The following LRRTM4 variants were observed in gnomAD, a reference collection of about 807,000 sequenced individuals.
LRRTM4 encodes leucine-rich repeat transmembrane neuronal protein 4.
Under a neutral mutation model 47.6 loss-of-function variants are expected in LRRTM4, and 25 were observed. The ratio of observed to expected loss-of-function variants is 0.53; its 90% CI spans 0.38 to 0.73. The LOEUF (loss-of-function observed/expected upper bound fraction) is 0.73. Ranked by LOEUF, LRRTM4 falls within the 30% of genes least tolerant of loss-of-function variation. The pLI, the probability that LRRTM4 is intolerant of heterozygous loss-of-function variation, is 0.00. For missense variants in LRRTM4, 638 were observed against 713.4 expected, an observed-to-expected ratio of 0.89 and a Z score of 1.20; for synonymous variants, 311 against 269.5, an observed-to-expected ratio of 1.15 and a Z score of -1.51.
intron 3 of LRRTM4, among the ~76,000 whole-genome samples, chr2:77,056,898 G>A (rs1307795170): frequency 1.3e-5 from 2 of 152,154 alleles, no homozygotes; most frequent in Non-Finnish European, 2.9e-5. Context: ...TATAGCCCAA[G>A]ATTTTTTCAT....
At chr2:77,073,674 G>C (rs564893318) in intron 3 of LRRTM4, among the ~76,000 whole-genome samples, 1 of 152,146 alleles carries the variant, frequency 6.6e-6, no homozygotes, top group South Asian at 2.1e-4. Context: ...TGGGTATAAT[G>C]AGTGAATGTG....
intron 3 of LRRTM4, among the ~76,000 whole-genome samples, chr2:77,161,652 C>T (rs923723884): frequency 2.6e-5 from 4 of 152,056 alleles, no homozygotes; most frequent in Admixed American, 6.6e-5. Context: ...ATTGGAAAAA[C>T]ATCCACATAT....
intron 3 of LRRTM4, among the ~76,000 whole-genome samples, chr2:77,155,527 C>G (rs1021975509): frequency 2.0e-5 from 3 of 151,542 alleles, no homozygotes; most frequent in African/African-American, 7.3e-5. Flanking sequence ...ATTGCAAATT[C>G]TGTTATAAAC....
chr2:77,412,211 G>A (rs1351230404), intron 3 of LRRTM4, among the ~76,000 whole-genome samples: 2 of 152,180 alleles, frequency 1.3e-5, no homozygotes, highest in Admixed American at 1.3e-4. Flanking sequence ...AAGGACACTA[G>A]ACATAGGTAA....
At chr2:77,516,869 T>G (rs1679225399) in intron 3 of LRRTM4, 2 of 985,006 alleles carry the variant, frequency 2.0e-6, no homozygotes, top group Non-Finnish European at 1.2e-6. Context: ...TCTGAAAACA[T>G]TTTCATTAGC....
chr2:76,992,420 C>T (rs1030281323), intron 3 of LRRTM4, among the ~76,000 whole-genome samples: 3 of 151,608 alleles, frequency 2.0e-5, no homozygotes, highest in African/African-American at 7.3e-5. Flanking sequence ...AATTGATAAA[C>T]CATTTTATTA....
intron 3 of LRRTM4, among the ~76,000 whole-genome samples, chr2:76,909,145 G>A (rs1485333300): frequency 6.6e-6 from 1 of 152,118 alleles, no homozygotes; most frequent in South Asian, 2.1e-4. Context: ...CCAAAACAGA[G>A]ATATAGATCA....
At chr2:77,311,107 T>A (rs1677444228) in intron 3 of LRRTM4, among the ~76,000 whole-genome samples, 1 of 152,066 alleles carries the variant, frequency 6.6e-6, no homozygotes, top group Admixed American at 6.6e-5. Flanking sequence ...AAAGTAGGAA[T>A]GTGGTAATGT....
intron 3 of LRRTM4, among the ~76,000 whole-genome samples, chr2:76,847,734 TTAAC>T (rs757077178): frequency 5.9e-5 from 9 of 152,134 alleles, no homozygotes; most frequent in Non-Finnish European, 1.3e-4. Flanking sequence ...TTTACCTTTA[TTAAC>T]TACTTTATAA....
At chr2:77,029,384 G>A (rs775131209) in intron 3 of LRRTM4, among the ~76,000 whole-genome samples, 7 of 152,174 alleles carry the variant, frequency 4.6e-5, no homozygotes, top group South Asian at 4.2e-4. Flanking sequence ...GTCTGTGGCT[G>A]AAGGCCCAAG....
rs866365680 is a variant in LRRTM4, at chr2:76,777,300, G to T, written c.1552-28384C>A. On this transcript the variant is annotated intron_variant, in intron 3 of 3. Transcript: ENST00000409884. ...GTTTTTTCCAATTCTGTGAAGAAAG[G>T]CATTGGTAGCTTGATGGGGATGGCA... Among the ~76,000 whole-genome samples the T allele has an allele frequency of 7.4e-3, 1,065 of 143,186 alleles. 16 individuals carry two copies. The highest frequency in any genetic ancestry group is 0.013 in the Non-Finnish European group (844 of 64,874). 93.9% of individuals were successfully genotyped at this position (143,186 alleles called of 152,430 possible).
chr2:77,125,482 T>G (rs1671630991), intron 3 of LRRTM4, among the ~76,000 whole-genome samples: 1 of 152,104 alleles, frequency 6.6e-6, no homozygotes, highest in African/African-American at 2.4e-5. Flanking sequence ...CCTTTTTCCA[T>G]CCTAAACGCT....
At chr2:77,035,291 C>T (rs975384023) in intron 3 of LRRTM4, among the ~76,000 whole-genome samples, 2 of 148,736 alleles carry the variant, frequency 1.3e-5, no homozygotes, top group Non-Finnish European at 3.0e-5. Context: ...AAACAAAAAA[C>T]CAGAAGAATC....
chr2:77,062,841 G>T (rs865900035), intron 3 of LRRTM4, among the ~76,000 whole-genome samples: 5 of 152,270 alleles, frequency 3.3e-5, no homozygotes, highest in Middle Eastern at 3.4e-3. Flanking sequence ...ACAGATGCAG[G>T]ATAGTAGAAG....
At chr2:77,054,446 A>G (rs1378262380) in intron 3 of LRRTM4, among the ~76,000 whole-genome samples, 2 of 152,358 alleles carry the variant, frequency 1.3e-5, no homozygotes, top group Non-Finnish European at 2.9e-5. Context: ...ACAATAAAAA[A>G]AAGTATGCAC....
At chr2:77,032,260 C>G (rs538413156) in intron 3 of LRRTM4, among the ~76,000 whole-genome samples, 6 of 152,182 alleles carry the variant, frequency 3.9e-5, no homozygotes, top group Admixed American at 3.9e-4. Context: ...GTAGGTAACT[C>G]TTTTACTTCA....
Position 77,519,838 on chromosome 2 carries a change from C to T in LRRTM4, c.31G>A (p.Gly11Ser). Residue 11 changes from glycine to serine, a missense_variant, in exon 3 of 4, where the codon GGC becomes AGC. Coordinates refer to ENST00000409884, the MANE Select transcript of LRRTM4 (RefSeq NM_001134745.3). The surrounding 1 kb of genome is among the most constrained non-coding windows in gnomAD (Gnocchi z 4.6). ...AGTAGCACCAGCACCACACTCATGC[C>T]TTTCAGCTGCGTAATTAAATGGAAA... MGFHLITQLKGMSVVLVLLPT... is the reference protein window; with the variant it reads MGFHLITQLKSMSVVLVLLPT... 6.2e-7 allele frequency: 1 copy of T among 1,605,710 alleles called. No homozygotes were observed. The highest frequency in any genetic ancestry group is 1.1e-5 in the South Asian group (1 of 90,306).
intron 3 of LRRTM4, among the ~76,000 whole-genome samples, chr2:77,241,825 T>A (rs1675277375): frequency 6.6e-6 from 1 of 152,014 alleles, no homozygotes; most frequent in South Asian, 2.1e-4. Context: ...TTTGGTCCAT[T>A]TTTAGTTTGA....
At chr2:77,022,597 G>C (rs538093751) in intron 3 of LRRTM4, among the ~76,000 whole-genome samples, 3 of 152,256 alleles carry the variant, frequency 2.0e-5, no homozygotes, top group African/African-American at 7.2e-5. Flanking sequence ...TTCCAAATGG[G>C]AGAAATTGTC....
Sources: allele counts gnomAD v4.1 joint callset (sites outside exome capture counted in the v4.1 genomes callset), GRCh38; gene constraint gnomAD v4.1.1; non-coding constraint Gnocchi (gnomAD v3.1); transcripts MANE v1.5; gene names NCBI Gene and HGNC (gene_info 2026-07-23, HGNC 2026-07-21).